CDK14: variants seen among roughly 807,000 people sequenced by gnomAD.
CDK14 encodes cyclin-dependent kinase 14.
A neutral mutation model predicts 60.7 loss-of-function variants in CDK14; 34 were observed. The ratio of observed to expected loss-of-function variants is 0.56; its 90% CI spans 0.43 to 0.75. The LOEUF (loss-of-function observed/expected upper bound fraction) is 0.75, where lower values mean the gene tolerates loss of function less well. Ranked by LOEUF, CDK14 falls within the 30% of genes least tolerant of loss-of-function variation. The probability of loss-of-function intolerance (pLI) is 0.00; values close to 1 mark genes in which losing one functional copy is unlikely to be tolerated. For synonymous variants in CDK14, 197 were observed against 203.7 expected (o/e 0.97, Z 0.28); for missense variants, 482 against 564.1 (o/e 0.85, Z 1.47).
intron 10 of CDK14, among the ~76,000 whole-genome samples, chr7:91,045,508 C>CTGTTGGAATTGT (rs1342747420): frequency 6.6e-6 from 1 of 152,056 alleles, no homozygotes. Context: ...ATTGTTGGAA[C>CTGTTGGAATTGT]TGTTAAATGA....
chr7:90,702,317 AG>A (rs1177268874), intron 2 of CDK14, among the ~76,000 whole-genome samples: 2 of 152,162 alleles, frequency 1.3e-5, no homozygotes, highest in Non-Finnish European at 2.9e-5. Flanking sequence ...AGGGTTGCAG[AG>A]TAGGTTAAAG....
At chr7:91,147,153 C>CTG (rs1800668769) in intron 14 of CDK14, among the ~76,000 whole-genome samples, 3 of 104,356 alleles carry the variant, frequency 2.9e-5, no homozygotes, top group African/African-American at 1.1e-4. Flanking sequence ...CTCTCTCTCT[C>CTG]TCTCTCTCTC....
chr7:90,627,331 TC>T (rs1249344496), intron 2 of CDK14, among the ~76,000 whole-genome samples: 1 of 151,972 alleles, frequency 6.6e-6, no homozygotes, highest in African/African-American at 2.4e-5. Context: ...CACCTCAGCC[TC>T]CCAAGTAGCT....
chr7:90,876,110 G>A (rs1791551644), intron 6 of CDK14, among the ~76,000 whole-genome samples: 1 of 152,114 alleles, frequency 6.6e-6, no homozygotes, highest in Admixed American at 6.5e-5. Flanking sequence ...AATATGATTG[G>A]GAATTCCAGG....
chr7:90,971,323 G>A (rs1233420412), intron 9 of CDK14, among the ~76,000 whole-genome samples: 2 of 152,096 alleles, frequency 1.3e-5, no homozygotes, highest in South Asian at 4.1e-4. Context: ...TAGTACAGTG[G>A]CAGCTCAGAG....
chr7:90,724,572 A>T (rs1299727877), intron 2 of CDK14, among the ~76,000 whole-genome samples: 1 of 151,692 alleles, frequency 6.6e-6, no homozygotes, highest in Non-Finnish European at 1.5e-5. Flanking sequence ...TTAGTGTTAC[A>T]AATTTTCCTA....
chr7:91,034,247 C>G (rs191126751), intron 10 of CDK14, among the ~76,000 whole-genome samples: 2 of 152,228 alleles, frequency 1.3e-5, no homozygotes, highest in African/African-American at 4.8e-5. Flanking sequence ...TGGTCCCAAC[C>G]GGGCTGATGT....
intron 8 of CDK14, among the ~76,000 whole-genome samples, chr7:90,940,886 A>G (rs1793911476): frequency 1.3e-5 from 2 of 152,314 alleles, no homozygotes; most frequent in South Asian, 2.1e-4. Context: ...AAACACCTAG[A>G]ATAAAGTTGC....
chr7:91,035,833 CTTTT>C (rs34091498), intron 10 of CDK14, among the ~76,000 whole-genome samples: 2 of 99,230 alleles, frequency 2.0e-5, no homozygotes, highest in Non-Finnish European at 3.8e-5. Flanking sequence ...GCTTCATGGT[CTTTT>C]TTTTTTTTTT....
intron 4 of CDK14, among the ~76,000 whole-genome samples, chr7:90,762,573 A>C (rs1804362351): frequency 6.6e-6 from 1 of 152,236 alleles, no homozygotes; most frequent in African/African-American, 2.4e-5. Context: ...AGAGATTGTC[A>C]GGGTGGATAA....
At chr7:91,067,526 T>C (rs1798014977) in intron 11 of CDK14, among the ~76,000 whole-genome samples, 1 of 152,238 alleles carries the variant, frequency 6.6e-6, no homozygotes, top group Admixed American at 6.5e-5. Context: ...GTAGCATTTT[T>C]CATTCTGTAT....
intron 10 of CDK14, among the ~76,000 whole-genome samples, chr7:91,040,833 C>G (rs1431145518): frequency 6.6e-6 from 1 of 152,184 alleles, no homozygotes; most frequent in Non-Finnish European, 1.5e-5. Context: ...GCTCTGAGGC[C>G]TGTGCAAAAG....
At chr7:90,915,039 A>G (rs1266627435) in intron 7 of CDK14, among the ~76,000 whole-genome samples, 2 of 152,168 alleles carry the variant, frequency 1.3e-5, no homozygotes, top group Non-Finnish European at 1.5e-5. Context: ...AAGGGGTACA[A>G]GGGCTTGCAG....
chr7:91,049,809 T>C (rs1584265353), intron 11 of CDK14, among the ~76,000 whole-genome samples: 1 of 152,306 alleles, frequency 6.6e-6, no homozygotes, highest in East Asian at 1.9e-4. Flanking sequence ...AGATGTTGCA[T>C]TGAACAAAAA....
At chr7:90,803,744 C>G (rs1394447937) in intron 5 of CDK14, among the ~76,000 whole-genome samples, 3 of 152,086 alleles carry the variant, frequency 2.0e-5, no homozygotes, top group Non-Finnish European at 4.4e-5. Flanking sequence ...AGTATATGAT[C>G]TAGTTTAATT....
chr7:90,798,286 C>T (rs1265179794), intron 5 of CDK14, among the ~76,000 whole-genome samples: 4 of 149,726 alleles, frequency 2.7e-5, no homozygotes, highest in African/African-American at 1.0e-4. Context: ...TCTCATTCTG[C>T]CTTTCATATT....
chr7:91,065,722 T>C (rs1178898620), intron 11 of CDK14, among the ~76,000 whole-genome samples: 3 of 152,192 alleles, frequency 2.0e-5, no homozygotes, highest in Non-Finnish European at 4.4e-5. Flanking sequence ...GTTCGCATGA[T>C]TTGTTGGAGG....
intron 4 of CDK14, among the ~76,000 whole-genome samples, chr7:90,756,948 G>A (rs1385330057): frequency 6.6e-6 from 1 of 152,122 alleles, no homozygotes; most frequent in African/African-American, 2.4e-5. Context: ...TTTACCATAA[G>A]CTTCATTGTA....
chr7:90,742,754 A>C (rs536974933), intron 3 of CDK14, among the ~76,000 whole-genome samples: 1 of 152,112 alleles, frequency 6.6e-6, no homozygotes, highest in African/African-American at 2.4e-5. Context: ...ATTGACACAT[A>C]TTTATGAATT....
Sources: allele counts gnomAD v4.1 joint callset (sites outside exome capture counted in the v4.1 genomes callset), GRCh38; gene constraint gnomAD v4.1.1; transcripts MANE v1.5; gene names NCBI Gene and HGNC (gene_info 2026-07-23, HGNC 2026-07-21).